The following ATP8A2 variants were observed in gnomAD, a reference collection of about 807,000 sequenced individuals.
ATP8A2 encodes phospholipid-transporting ATPase IB.
A neutral mutation model predicts 165.6 loss-of-function variants in ATP8A2; 100 were observed. That is an observed-to-expected ratio of 0.60 (90% confidence interval 0.51 to 0.71). The LOEUF is 0.71. Among genes scored for constraint, ATP8A2 ranks in the 30% least tolerant of loss-of-function variants. The pLI, the probability that ATP8A2 is intolerant of heterozygous loss-of-function variation, is 0.00. For synonymous variants in ATP8A2, 543 were observed against 548.8 expected, an observed-to-expected ratio of 0.99 and a Z score of 0.15; for missense variants, 1,227 against 1,479.5, an observed-to-expected ratio of 0.83 and a Z score of 2.80.
At chr13:25,881,058 C>T (rs1201100685) in intron 33 of ATP8A2, 5 of 319,232 alleles carry the variant, frequency 1.6e-5, no homozygotes, top group Admixed American at 3.9e-5. Context: ...TACATGTATT[C>T]GTATCCAGGA....
chr13:25,643,176 A>G (rs957941814), intron 24 of ATP8A2, among the ~76,000 whole-genome samples: 1 of 152,226 alleles, frequency 6.6e-6, no homozygotes, highest in Non-Finnish European at 1.5e-5. Context: ...ACAAACCTGC[A>G]TGTTTTGCAC....
intron 1 of ATP8A2, among the ~76,000 whole-genome samples, chr13:25,400,721 AC>A (rs2033610339): frequency 6.6e-6 from 1 of 152,318 alleles, no homozygotes; most frequent in African/African-American, 2.4e-5. Context: ...ATGAGGTCAC[AC>A]CAGTGAACAC....
At chr13:25,955,900 A>G (rs1328608028) in intron 33 of ATP8A2, among the ~76,000 whole-genome samples, 1 of 152,222 alleles carries the variant, frequency 6.6e-6, no homozygotes, top group East Asian at 1.9e-4. Context: ...AACCGAATCC[A>G]GCAGCGCATC....
chr13:25,914,074 A>T (rs1004667754), intron 33 of ATP8A2, among the ~76,000 whole-genome samples: 8 of 152,104 alleles, frequency 5.3e-5, no homozygotes, highest in Non-Finnish European at 8.8e-5. Flanking sequence ...ACTTATGGCT[A>T]CCTCTGCTTC....
chr13:25,531,000 C>G (rs1045117377), intron 4 of ATP8A2, among the ~76,000 whole-genome samples: 1 of 151,894 alleles, frequency 6.6e-6, no homozygotes, highest in Non-Finnish European at 1.5e-5. Flanking sequence ...TTGTCTCGCT[C>G]TGCCTGAGGC....
At chr13:25,375,647 A>G (rs1449674180) in intron 1 of ATP8A2, among the ~76,000 whole-genome samples, 1 of 148,182 alleles carries the variant, frequency 6.7e-6, no homozygotes, top group Non-Finnish European at 1.5e-5. Flanking sequence ...ATCTCGGCTC[A>G]CTGCAACCTC....
intron 23 of ATP8A2, among the ~76,000 whole-genome samples, chr13:25,586,845 G>T (rs1399171884): frequency 6.6e-6 from 1 of 152,142 alleles, no homozygotes; most frequent in African/African-American, 2.4e-5. Context: ...AGAGCTGACA[G>T]ATTTGGTTTA....
At chr13:25,594,984 G>GTATATATATATATATATA (rs58403530) in intron 24 of ATP8A2, among the ~76,000 whole-genome samples, 15 of 142,814 alleles carry the variant, frequency 1.1e-4, no homozygotes, top group African/African-American at 1.8e-4. Flanking sequence ...GTGTGTGTGT[G>GTATATATATATATATATA]TATATATATA....
At chr13:25,738,844 G>T (rs538705053) in intron 25 of ATP8A2, among the ~76,000 whole-genome samples, 1 of 152,324 alleles carries the variant, frequency 6.6e-6, no homozygotes, top group African/African-American at 2.4e-5. Flanking sequence ...TTTGGCACAG[G>T]ATATATTGAT....
intron 1 of ATP8A2, among the ~76,000 whole-genome samples, chr13:25,399,459 C>T (rs2033550027): frequency 8.6e-6 from 1 of 116,412 alleles, no homozygotes; most frequent in Admixed American, 1.2e-4. Context: ...AGTGCAGTGG[C>T]GGGATCTCGG....
intron 1 of ATP8A2, among the ~76,000 whole-genome samples, chr13:25,428,649 G>A (rs1446863780): frequency 2.0e-5 from 3 of 152,282 alleles, no homozygotes; most frequent in Admixed American, 1.3e-4. Flanking sequence ...GTGGCAAGGT[G>A]TGTGTTTGTT....
At chr13:25,486,543 T>A (rs1452822558) in intron 2 of ATP8A2, among the ~76,000 whole-genome samples, 3 of 152,132 alleles carry the variant, frequency 2.0e-5, no homozygotes, top group African/African-American at 2.4e-5. Context: ...TAGAAAAAAA[T>A]GAAGAGAGTC....
intron 1 of ATP8A2, among the ~76,000 whole-genome samples, chr13:25,467,906 G>A (rs1238218778): frequency 1.3e-5 from 2 of 152,186 alleles, no homozygotes; most frequent in Non-Finnish European, 2.9e-5. Context: ...GTTGGAAAGC[G>A]TGGCAGGTAT....
intron 25 of ATP8A2, among the ~76,000 whole-genome samples, chr13:25,735,791 G>C (rs1408943920): frequency 2.6e-5 from 4 of 152,152 alleles, no homozygotes; most frequent in Non-Finnish European, 5.9e-5. Context: ...TAATGTCATA[G>C]TGCAAATACT....
chr13:25,761,195 A>G (rs1566112626), intron 25 of ATP8A2, among the ~76,000 whole-genome samples: 1 of 152,296 alleles, frequency 6.6e-6, no homozygotes, highest in South Asian at 2.1e-4. Flanking sequence ...CCAAAATAAT[A>G]CCGTCAGTAC....
intron 2 of ATP8A2, among the ~76,000 whole-genome samples, chr13:25,519,753 C>T (rs368227600): frequency 3.3e-5 from 5 of 152,264 alleles, no homozygotes; most frequent in African/African-American, 7.2e-5. Flanking sequence ...ACATGCATTT[C>T]GTCACACGAG....
At chr13:25,607,235 A>T (rs563111345) in intron 24 of ATP8A2, among the ~76,000 whole-genome samples, 2 of 152,334 alleles carry the variant, frequency 1.3e-5, no homozygotes, top group Admixed American at 1.3e-4. Context: ...CCTGGTGCCA[A>T]AACAGTTGGG....
At chr13:25,460,880 A>T (rs892668032) in intron 1 of ATP8A2, among the ~76,000 whole-genome samples, 1 of 152,150 alleles carries the variant, frequency 6.6e-6, no homozygotes, top group African/African-American at 2.4e-5. Context: ...TTTGGCCCCC[A>T]TTGAGACTGG....
intron 36 of ATP8A2, 145 bp from the exon 37 acceptor site, chr13:26,019,743 A>G: frequency 1.7e-6 from 1 of 599,952 alleles, no homozygotes; most frequent in South Asian, 2.2e-5. Context: ...AGGTTTCTTC[A>G]TCTCAAGCCT....
Sources: gnomAD v4.1 joint callset for allele counts (sites outside exome capture counted in the v4.1 genomes callset) on GRCh38, gnomAD v4.1.1 for gene constraint, MANE v1.5 for transcripts, NCBI Gene and HGNC (gene_info 2026-07-23, HGNC 2026-07-21) for gene names.